PTPRD: variants seen among roughly 807,000 people sequenced by gnomAD.
PTPRD encodes the protein receptor-type tyrosine-protein phosphatase delta.
PTPRD carries 34 observed loss-of-function variants against 214.5 expected under a neutral mutation model. The ratio of observed to expected loss-of-function variants is 0.16; its 90% CI spans 0.12 to 0.21. The LOEUF is 0.21. Among genes scored for constraint, PTPRD ranks in the 10% least tolerant of loss-of-function variants. The pLI, the probability that PTPRD is intolerant of heterozygous loss-of-function variation, is 1.00. For missense variants in PTPRD, 2,545 were observed against 2,398.7 expected (o/e 1.06, Z -1.27); for synonymous variants, 1,128 against 845.7 (o/e 1.33, Z -5.79).
chr9:10,097,889 T>C (rs1168553329), intron 3 of PTPRD, among the ~76,000 whole-genome samples: 1 of 151,802 alleles, frequency 6.6e-6, no homozygotes, highest in African/African-American at 2.4e-5. Context: ...TTTCACACTG[T>C]TGGCGAGACT....
At position 8,590,167 on chromosome 9, in the gene PTPRD, T is replaced by G. The variant is rs536957861; in HGVS notation, c.352+43150A>C. On this transcript the variant is annotated intron_variant, in intron 14 of 45. Coordinates refer to ENST00000381196, the MANE Select transcript of PTPRD (RefSeq NM_002839.4). ...GAATTGATTTTATTAAAGCTGATAATAGAAACCAGATGGTCCAAGTATCTG... is the reference window on the plus strand; with the variant it reads ...GAATTGATTTTATTAAAGCTGATAAGAGAAACCAGATGGTCCAAGTATCTG... Among the ~76,000 whole-genome samples the G allele has an allele frequency of 3.3e-5, 5 of 152,226 alleles. No individual in the cohort carries two copies. The Middle Eastern group carries it at 0.014, about 414-fold the overall frequency.
intron 8 of PTPRD, among the ~76,000 whole-genome samples, chr9:9,530,519 C>T (rs895594165): frequency 1.3e-5 from 2 of 151,886 alleles, no homozygotes; most frequent in Non-Finnish European, 2.9e-5. Context: ...AAAGAAAAGC[C>T]CAGGACCACA....
rs183648351 is a variant in PTPRD, at chr9:9,608,159, A to G, written c.-286-33378T>C. On this transcript the variant is annotated intron_variant, in intron 7 of 45. Transcript: ENST00000381196. Reference sequence around the variant, plus strand: ...AGTAGTAGCTACCTCATTGATTGACATAAGAATTAAGTGAATCACCTCATA... The same window carrying G: ...AGTAGTAGCTACCTCATTGATTGACGTAAGAATTAAGTGAATCACCTCATA... Among the ~76,000 whole-genome samples the G allele has an allele frequency of 2.9e-3, 440 of 152,272 alleles. 1 individual carries two copies. Among genetic ancestry groups the G allele is most frequent in the African/African-American group, 9.9e-3 (410 of 41,564 alleles).
chr9:8,637,039 T>A (rs1248532175), intron 12 of PTPRD, among the ~76,000 whole-genome samples, 195 bp from the exon 13 acceptor site: 2 of 152,176 alleles, frequency 1.3e-5, no homozygotes, highest in African/African-American at 4.8e-5. Context: ...GACATAACTT[T>A]CTGGTTAAGT....
At chr9:10,099,170 T>C (rs1047965683) in intron 3 of PTPRD, among the ~76,000 whole-genome samples, 1 of 151,738 alleles carries the variant, frequency 6.6e-6, no homozygotes, top group Admixed American at 6.6e-5. Flanking sequence ...TTTTTGAAAG[T>C]CAGCATAAGT....
intron 10 of PTPRD, among the ~76,000 whole-genome samples, chr9:9,131,874 G>A (rs1245383498): frequency 6.6e-6 from 1 of 150,890 alleles, no homozygotes. Flanking sequence ...AAATTTGGCA[G>A]AGGTATCAGT....
Position 9,951,119 on chromosome 9 carries a change from G to C in PTPRD, c.-471-12509C>G, listed in dbSNP as rs1240180593. 2.0e-5 allele frequency among the ~76,000 whole-genome samples: 3 copies of C among 152,128 alleles called. No individual in the cohort carries two copies. In the East Asian group the frequency reaches 5.8e-4, roughly 29 times the overall value. ...CTCAGGTTAATTAGAATAAGATGTA[G>C]GAGGAGGGTGAAATATGTATATGTA... On this transcript the variant is annotated intron_variant, in intron 4 of 45. Coordinates refer to ENST00000381196, the MANE Select transcript of PTPRD (RefSeq NM_002839.4).
chr9:8,863,055 TTAAAG>T (rs2098133895), intron 11 of PTPRD, among the ~76,000 whole-genome samples: 1 of 151,354 alleles, frequency 6.6e-6, no homozygotes, highest in African/African-American at 2.4e-5. Flanking sequence ...ACCCTAAAAC[TTAAAG>T]TATAATAATA....
At chr9:8,668,302 C>G (rs546445756) in intron 12 of PTPRD, among the ~76,000 whole-genome samples, 57 of 152,252 alleles carry the variant, frequency 3.7e-4, no homozygotes, top group Non-Finnish European at 6.2e-4. Context: ...CTAAAAGAGG[C>G]TTTAATTAGA....
intron 9 of PTPRD, among the ~76,000 whole-genome samples, chr9:9,264,638 C>A (rs1938231659): frequency 6.6e-6 from 1 of 151,334 alleles, no homozygotes; most frequent in African/African-American, 2.4e-5. Flanking sequence ...ATGGCTGAAC[C>A]CTTTCCAAAT....
intron 3 of PTPRD, among the ~76,000 whole-genome samples, chr9:10,233,988 C>G (rs766872043): frequency 2.6e-5 from 4 of 151,732 alleles, no homozygotes; most frequent in Admixed American, 6.6e-5. Flanking sequence ...GCAAGATGAT[C>G]ACGCCTGTAA....
intron 9 of PTPRD, among the ~76,000 whole-genome samples, chr9:9,255,233 C>T (rs1029323679): frequency 5.3e-5 from 8 of 151,982 alleles, no homozygotes; most frequent in African/African-American, 1.2e-4. Flanking sequence ...GCTTTGATTG[C>T]AATGATGATT....
At chr9:9,717,399 T>A (rs1263598683) in intron 7 of PTPRD, among the ~76,000 whole-genome samples, 1 of 152,204 alleles carries the variant, frequency 6.6e-6, no homozygotes, top group Non-Finnish European at 1.5e-5. Flanking sequence ...AAGTCATTGG[T>A]AGCTTGATGG....
intron 2 of PTPRD, among the ~76,000 whole-genome samples, chr9:10,604,875 T>C (rs2078904232): frequency 1.3e-5 from 2 of 152,024 alleles, no homozygotes; most frequent in Admixed American, 6.6e-5. Flanking sequence ...AATTTACAGG[T>C]ATAAAAGTTT....
intron 9 of PTPRD, among the ~76,000 whole-genome samples, chr9:9,360,942 T>C (rs1461478157): frequency 6.6e-6 from 1 of 151,074 alleles, no homozygotes; most frequent in Non-Finnish European, 1.5e-5. Flanking sequence ...TTACCTTAAA[T>C]TCTACTAAAA....
rs1435121921 is a variant in PTPRD at position 9,073,787 on chromosome 9, CCTGA to C, written c.-142-55056_-142-55053del. Among the ~76,000 whole-genome samples, 7 of 151,990 alleles carry C rather than the reference CCTGA, an allele frequency of 4.6e-5. No homozygotes were observed. The East Asian group carries it at 9.7e-4, about 21-fold the overall frequency. On this transcript the variant is annotated intron_variant, in intron 10 of 45. Transcript: ENST00000381196. ...TATTGTGCCTGTTTTTCTGAAAAAC[CCTGA>C]CTAATACATATGCCAGCTGAACTAA...
intron 9 of PTPRD, among the ~76,000 whole-genome samples, chr9:9,287,052 C>G (rs936759163): frequency 2.0e-5 from 3 of 150,244 alleles, no homozygotes; most frequent in Admixed American, 6.7e-5. Flanking sequence ...TGGCAAAACA[C>G]TGTCTCTGCT....
At chr9:9,659,737 T>C (rs776323162) in intron 7 of PTPRD, among the ~76,000 whole-genome samples, 10 of 152,122 alleles carry the variant, frequency 6.6e-5, no homozygotes, top group Admixed American at 3.3e-4. Flanking sequence ...TTTGCATTCC[T>C]AAAAGGTGAT....
intron 9 of PTPRD, among the ~76,000 whole-genome samples, chr9:9,283,180 G>T (rs1948324124): frequency 6.6e-6 from 1 of 151,390 alleles, no homozygotes; most frequent in African/African-American, 2.4e-5. Context: ...AGGATGGCTT[G>T]ATCTATGCTT....
Sources: allele counts gnomAD v4.1 joint callset (sites outside exome capture counted in the v4.1 genomes callset), GRCh38; gene constraint gnomAD v4.1.1; transcripts MANE v1.5; gene names NCBI Gene and HGNC (gene_info 2026-07-23, HGNC 2026-07-21).